ASB14: variants seen among roughly 807,000 people sequenced by gnomAD.
ASB14 encodes ankyrin repeat and SOCS box containing 14, also known as ankyrin repeat and SOCS box protein 14.
Under a neutral mutation model 55.6 loss-of-function variants are expected in ASB14, and 63 were observed. The observed-to-expected ratio is 1.13, with a 90% confidence interval of 0.92 to 1.40. ASB14 has a LOEUF of 1.40. Among genes scored for constraint, ASB14 ranks in the 40% most tolerant of loss-of-function variants. The pLI is 0.00. For missense variants in ASB14, 724 were observed against 710.4 expected (o/e 1.02, Z -0.22); for synonymous variants, 256 against 259.9 (o/e 0.98, Z 0.15).
At position 57,283,355 on chromosome 3, in the gene ASB14, G is replaced by C; in HGVS notation, c.554C>G (p.Thr185Arg). The change falls in exon 6 of 11, where the codon ACA (threonine) becomes AGA (arginine). Residue 185 changes from threonine (T) to arginine (R), a missense_variant. Physicochemically the swap from Thr to Arg is moderately conservative, Grantham distance 71. Coordinates refer to ENST00000487349, the MANE Select transcript of ASB14 (RefSeq NM_001142733.3). ...DVNLRCANER[T>R]ALHEAAKLGR... ...CAGTTTGGCTGCTTCGTGGAGAGCT[G>C]TCCTCTCGTTGGCACAACGCAGATT... 1 of 1,551,684 alleles carries C rather than the reference G, an allele frequency of 6.4e-7. No individual in the cohort carries two copies. Among genetic ancestry groups the C allele is most frequent in the Non-Finnish European group, 8.7e-7 (1 of 1,146,942 alleles).
intron 5 of ASB14, among the ~76,000 whole-genome samples, chr3:57,286,495 A>C (rs2061081868): frequency 6.6e-6 from 1 of 152,218 alleles, no homozygotes; most frequent in Non-Finnish European, 1.5e-5. Context: ...TTAGAGAAGA[A>C]TACTTAGACC....
At chr3:57,274,137 A>G (rs909600060) in intron 10 of ASB14, among the ~76,000 whole-genome samples, 5 of 152,176 alleles carry the variant, frequency 3.3e-5, no homozygotes, top group Non-Finnish European at 7.4e-5. Flanking sequence ...GAAATAGTCT[A>G]TATAGCCATT....
intron 6 of ASB14, 89 bp downstream of exon 6, chr3:57,283,105 C>CT: frequency 6.9e-7 from 1 of 1,447,732 alleles, no homozygotes; most frequent in Non-Finnish European, 9.3e-7. Flanking sequence ...TAAATGTTAA[C>CT]TTTTATTATT....
intron 6 of ASB14, among the ~76,000 whole-genome samples, chr3:57,282,146 TCTTA>T (rs1257514754): frequency 7.9e-5 from 12 of 152,200 alleles, no homozygotes; most frequent in African/African-American, 2.4e-4. Flanking sequence ...ATTTAAAACA[TCTTA>T]CTTAAAATGT....
intron 5 of ASB14, 142 bp from the exon 6 acceptor site, chr3:57,283,581 T>C: frequency 1.2e-6 from 1 of 830,700 alleles, no homozygotes; most frequent in Non-Finnish European, 1.8e-6. Flanking sequence ...GGAAACAGAT[T>C]GTAAAGTAAG....
At chr3:57,284,144 ATATT>A (rs2061062441) in intron 5 of ASB14, among the ~76,000 whole-genome samples, 1 of 85,202 alleles carries the variant, frequency 1.2e-5, no homozygotes, top group Non-Finnish European at 2.5e-5. Context: ...AAATATATAT[ATATT>A]TAGGCTCTCA....
At chr3:57,287,687 C>T (rs916546898) in intron 5 of ASB14, among the ~76,000 whole-genome samples, 4 of 152,144 alleles carry the variant, frequency 2.6e-5, no homozygotes, top group Non-Finnish European at 4.4e-5. Context: ...AGGTACCATG[C>T]GAAATGAGCT....
Position 57,289,000 on chromosome 3 carries a change from G to A in ASB14, c.178+68C>T, listed in dbSNP as rs763455682. On this transcript the variant is annotated intron_variant, in intron 3 of 10. Coordinates refer to ENST00000487349, the MANE Select transcript of ASB14 (RefSeq NM_001142733.3). ...CCCAAAGTACTGGGATTACAGGCGT[G>A]AGCCACTGCATCCAGCCAATGTCAC... is the stretch of plus-strand genomic sequence containing the variant. The A allele has an allele frequency of 6.4e-6, 8 of 1,248,114 alleles. No homozygotes were observed. The South Asian group carries it at 1.1e-4, about 16-fold the overall frequency. 77.3% of individuals were successfully genotyped at this position (1,248,114 alleles called of 1,614,324 possible). A position where few individuals can be genotyped will look rare whatever the true frequency, so the allele number is the denominator to read the frequency against.
intron 6 of ASB14, among the ~76,000 whole-genome samples, chr3:57,282,563 G>C (rs934412476): frequency 3.3e-5 from 5 of 152,128 alleles, no homozygotes; most frequent in African/African-American, 1.2e-4. Context: ...ATGTTTGAAG[G>C]GAAGTCCTGC....
At chr3:57,288,708 CTTTTTTTTT>C (rs747854434) in intron 3 of ASB14, among the ~76,000 whole-genome samples, 48 of 102,380 alleles carry the variant, frequency 4.7e-4, no homozygotes, top group African/African-American at 1.5e-3. Context: ...CATATCTTTC[CTTTTTTTTT>C]TTTTTTTTTT....
rs776070692 is a variant in ASB14, at chr3:57,283,177, C to T, written c.715+17G>A. 15 of 1,551,954 alleles carry T rather than the reference C, an allele frequency of 9.7e-6. 1 individual carries two copies. In the South Asian group the frequency reaches 1.8e-4, roughly 18 times the overall value. On this transcript the variant is annotated intron_variant, in intron 6 of 10. Transcript: ENST00000487349. ...TGTTACCCTTTGTTAGTGTGCTGAC[C>T]AAACAGAAGATCTTGCCTTTCCGCA... is the stretch of plus-strand genomic sequence containing the variant.
chr3:57,273,713 T>TG (rs2060964339), intron 10 of ASB14, among the ~76,000 whole-genome samples: 2 of 152,188 alleles, frequency 1.3e-5, no homozygotes. Context: ...GACGTATACT[T>TG]GCTACTGTTT....
chr3:57,289,030 A>G (rs1466209750), intron 3 of ASB14, 38 bp downstream of exon 3: 10 of 1,422,376 alleles, frequency 7.0e-6, no homozygotes, highest in African/African-American at 5.7e-5. Context: ...TGTCACCGTC[A>G]CATCTTACCA....
intron 10 of ASB14, chr3:57,272,212 C>G (rs2060946808): frequency 6.6e-6 from 1 of 152,118 alleles, no homozygotes; most frequent in Non-Finnish European, 1.5e-5. Flanking sequence ...ATGTTTGTAA[C>G]TATGGCAATG....
At chr3:57,269,726 C>A in intron 10 of ASB14, 108 bp from the exon 11 acceptor site, 1 of 1,603,710 alleles carries the variant, frequency 6.2e-7, no homozygotes, top group Non-Finnish European at 8.5e-7. Context: ...TGGAATTTGA[C>A]AGTTTCTATG....
Position 57,288,205 on chromosome 3 carries a change from T to G in ASB14, c.260A>C (p.His87Pro), listed in dbSNP as rs765780202. ...CCTATTTAATTGCACTGCAGCCTTA[T>G]GCAGAGGAATCCAGCCTATCTCATC... ...EADEIGWIPLHKAAVQLNRKI... is the reference protein window; with the variant it reads ...EADEIGWIPLPKAAVQLNRKI... The change falls in exon 4 of 11, where the codon CAT becomes CCT. Residue 87 changes from histidine (H) to proline (P), a missense_variant. Transcript: ENST00000487349. 28 of 1,536,918 alleles carry G rather than the reference T, an allele frequency of 1.8e-5. No individual in the cohort carries two copies. The South Asian group carries it at 2.7e-4, about 15-fold the overall frequency.
intron 2 of ASB14, among the ~76,000 whole-genome samples, chr3:57,291,411 C>T (rs1486154769): frequency 6.6e-6 from 1 of 152,180 alleles, no homozygotes. Context: ...CAGGGTCCCA[C>T]TGGTCCTTTT....
At chr3:57,279,080 A>G in intron 7 of ASB14, 160 bp from the exon 8 acceptor site, 2 of 665,650 alleles carry the variant, frequency 3.0e-6, no homozygotes, top group Non-Finnish European at 5.0e-6. Context: ...CCAGAAGCTC[A>G]GATACCAAGT....
rs781648651 is a variant in ASB14, at chr3:57,278,975, CTTGT to C, written c.888-59_888-56del. On this transcript the variant is annotated intron_variant, in intron 7 of 10. Transcript: ENST00000487349. ...CATTGTTTTTAAGATGTAGCACTAACTTGTTTATTATTGTTTTATAGCAATACTA... is the reference window on the plus strand; with the variant it reads ...CATTGTTTTTAAGATGTAGCACTAACTTATTATTGTTTTATAGCAATACTA... The C allele has an allele frequency of 7.8e-6, 12 of 1,540,670 alleles. No individual in the cohort carries two copies. The South Asian group carries it at 9.3e-5, about 12-fold the overall frequency.
Sources: gnomAD v4.1 joint callset for allele counts (sites outside exome capture counted in the v4.1 genomes callset) on GRCh38, gnomAD v4.1.1 for gene constraint, MANE v1.5 for transcripts, NCBI Gene and HGNC (gene_info 2026-07-23, HGNC 2026-07-21) for gene names.